The following RSPO3 variants were observed in gnomAD, a reference collection of about 807,000 sequenced individuals.
RSPO3 encodes the protein R-spondin 3.
Under a neutral mutation model 36.5 loss-of-function variants are expected in RSPO3, and 17 were observed. The ratio of observed to expected loss-of-function variants is 0.47; its 90% CI spans 0.32 to 0.70. The LOEUF is 0.70. Among genes scored for constraint, RSPO3 ranks in the 30% least tolerant of loss-of-function variants. RSPO3 has a pLI of 0.04. For synonymous variants in RSPO3, 108 were observed against 107.0 expected (o/e 1.01, Z -0.06); for missense variants, 294 against 322.5 (o/e 0.91, Z 0.68).
chr6:127,155,656 T>G (rs1162077664), intron 4 of RSPO3, among the ~76,000 whole-genome samples: 4 of 152,094 alleles, frequency 2.6e-5, no homozygotes, highest in African/African-American at 9.7e-5. Flanking sequence ...GTGTGCTAAT[T>G]GAATTATGAT....
chr6:127,118,852 G>A lies in RSPO3; in HGVS notation c.-341G>A. The A allele has an allele frequency of 6.0e-6, 1 of 166,562 alleles. No individual in the cohort carries two copies. Among genetic ancestry groups the A allele is most frequent in the Non-Finnish European group, 1.3e-5 (1 of 78,300 alleles). 10.3% of individuals were successfully genotyped at this position (166,562 alleles called of 1,614,324 possible). ...CGCCGCTGCAGCCGCCGCCGCCGCC[G>A]CTCGCCCGCCCGGATCCCGCCTGCG... On this transcript the variant is annotated 5_prime_UTR_variant, in exon 1 of 5. Transcript: ENST00000356698.
chr6:127,123,665 C>T (rs1489915649), intron 1 of RSPO3, among the ~76,000 whole-genome samples: 2 of 151,938 alleles, frequency 1.3e-5, no homozygotes, highest in African/African-American at 4.8e-5. Flanking sequence ...TTTTTAGCCC[C>T]AAGTTACTCA....
chr6:127,178,454 T>C lies in RSPO3; in HGVS notation c.635-17369T>C, dbSNP rs73771611. 5.2e-3 allele frequency among the ~76,000 whole-genome samples: 793 copies of C among 151,854 alleles called. 6 individuals carry two copies. The highest frequency in any genetic ancestry group is 0.017 in the African/African-American group (724 of 41,486). On this transcript the variant is annotated intron_variant, in intron 4 of 4. Transcript: ENST00000356698. ...TGTAATCTGGCAAATAAAAATATTCTCCATGCTATAAATATGCTCAGTAAT... is the reference window on the plus strand; with the variant it reads ...TGTAATCTGGCAAATAAAAATATTCCCCATGCTATAAATATGCTCAGTAAT...
rs1298007368 is a variant in RSPO3 at position 127,159,838 on chromosome 6, G to A, written c.634+4400G>A. On this transcript the variant is annotated intron_variant, in intron 4 of 4. Coordinates refer to ENST00000356698, the MANE Select transcript of RSPO3 (RefSeq NM_032784.5). ...TAATTTTTTGTATTTTAGTAGACACGGGGTTTCACTGTGTTGGCCAGGCTG... is the reference window on the plus strand; with the variant it reads ...TAATTTTTTGTATTTTAGTAGACACAGGGTTTCACTGTGTTGGCCAGGCTG... Among the ~76,000 whole-genome samples, 11 of 151,546 alleles carry A rather than the reference G, an allele frequency of 7.3e-5. No homozygotes were observed. In the East Asian group the frequency reaches 9.7e-4, roughly 13 times the overall value.
At chr6:127,170,219 G>T in intron 4 of RSPO3, among the ~76,000 whole-genome samples, 1 of 151,646 alleles carries the variant, frequency 6.6e-6, no homozygotes, top group Non-Finnish European at 1.5e-5. Context: ...TGAGAAAATT[G>T]GAGTAGAAAA....
intron 1 of RSPO3, among the ~76,000 whole-genome samples, chr6:127,135,884 G>C (rs532982320): frequency 7.4e-5 from 11 of 148,184 alleles, no homozygotes; most frequent in African/African-American, 2.5e-4. Flanking sequence ...CAGTAATCAT[G>C]CCTCTGCACT....
chr6:127,176,720 G>C (rs972585481), intron 4 of RSPO3, among the ~76,000 whole-genome samples: 2 of 151,836 alleles, frequency 1.3e-5, no homozygotes, highest in East Asian at 3.9e-4. Flanking sequence ...CTTTAAGGAA[G>C]ACATATTCTA....
intron 1 of RSPO3, among the ~76,000 whole-genome samples, chr6:127,125,801 T>C (rs1773928896): frequency 6.6e-6 from 1 of 152,098 alleles, no homozygotes. Context: ...CCCCATCTTG[T>C]CCTTAGGCTC....
intron 4 of RSPO3, among the ~76,000 whole-genome samples, chr6:127,188,274 G>A (rs1775336014): frequency 6.6e-6 from 1 of 152,114 alleles, no homozygotes; most frequent in East Asian, 1.9e-4. Context: ...TGTAAGGAAG[G>A]TATTTAATTA....
At chr6:127,172,244 C>G (rs1335992752) in intron 4 of RSPO3, among the ~76,000 whole-genome samples, 1 of 42,810 alleles carries the variant, frequency 2.3e-5, no homozygotes, top group Non-Finnish European at 6.4e-5. Context: ...CACAAACACA[C>G]TCACACATAC....
intron 4 of RSPO3, among the ~76,000 whole-genome samples, chr6:127,158,919 A>G (rs1774649401): frequency 6.6e-6 from 1 of 152,316 alleles, no homozygotes; most frequent in Admixed American, 6.5e-5. Context: ...ATTGAATTAT[A>G]TATTTGAAAT....
Position 127,197,659 on chromosome 6 carries a change from C to G in RSPO3, c.*1652C>G. On this transcript the variant is annotated 3_prime_UTR_variant, in exon 5 of 5. Coordinates refer to ENST00000356698, the MANE Select transcript of RSPO3 (RefSeq NM_032784.5). ...GACTCTGGCTTCTGGCTGCTTATCTCTGGACACCCGTTCTCCACCAGTTGT... is the reference window on the plus strand; with the variant it reads ...GACTCTGGCTTCTGGCTGCTTATCTGTGGACACCCGTTCTCCACCAGTTGT... The G allele has an allele frequency of 3.6e-6, 4 of 1,119,920 alleles. No homozygotes were observed. Among genetic ancestry groups the G allele is most frequent in the Non-Finnish European group, 4.9e-6 (4 of 810,878 alleles). 69.4% of individuals were successfully genotyped at this position (1,119,920 alleles called of 1,614,324 possible).
intron 4 of RSPO3, among the ~76,000 whole-genome samples, chr6:127,193,284 G>A (rs1775448952): frequency 6.6e-6 from 1 of 152,140 alleles, no homozygotes; most frequent in African/African-American, 2.4e-5. Context: ...TTGCTAATAA[G>A]CAGAAATGCA....
chr6:127,120,816 G>T (rs1205927855), intron 1 of RSPO3, among the ~76,000 whole-genome samples: 1 of 152,244 alleles, frequency 6.6e-6, no homozygotes, highest in South Asian at 2.1e-4. Context: ...AACTAAATAT[G>T]TCAGGGCATC....
At chr6:127,183,301 T>C (rs534049048) in intron 4 of RSPO3, among the ~76,000 whole-genome samples, 1 of 152,178 alleles carries the variant, frequency 6.6e-6, no homozygotes, top group Admixed American at 6.6e-5. Flanking sequence ...TTATTCATCA[T>C]TGACTTGGTC....
chr6:127,151,490 C>T (rs1270491336), intron 3 of RSPO3, among the ~76,000 whole-genome samples: 1 of 151,896 alleles, frequency 6.6e-6, no homozygotes, highest in Admixed American at 6.6e-5. Context: ...GTGATGTTGG[C>T]ATATCCACAC....
At chr6:127,180,147 A>G (rs1775151248) in intron 4 of RSPO3, among the ~76,000 whole-genome samples, 1 of 151,898 alleles carries the variant, frequency 6.6e-6, no homozygotes, top group Admixed American at 6.6e-5. Context: ...ATTGGCTCTT[A>G]AAGGCCAAGT....
rs1774153715 is a variant in RSPO3, at chr6:127,136,180, C to T, written c.98-12468C>T. On this transcript the variant is annotated intron_variant, in intron 1 of 4. Coordinates refer to ENST00000356698, the MANE Select transcript of RSPO3 (RefSeq NM_032784.5). The stretch of plus-strand genomic sequence containing the variant: ...CAAGGGTTGACCTTCCAGAGAAGGG[C>T]TCTATGGATCCTCTGCCAATCTGAT... 2.0e-5 allele frequency among the ~76,000 whole-genome samples: 3 copies of T among 152,098 alleles called. No individual in the cohort carries two copies. In the South Asian group the frequency reaches 6.2e-4, roughly 32 times the overall value.
intron 1 of RSPO3, among the ~76,000 whole-genome samples, chr6:127,131,488 G>C (rs760028367): frequency 6.6e-6 from 1 of 151,996 alleles, no homozygotes; most frequent in Non-Finnish European, 1.5e-5. Flanking sequence ...AAGTGCTCTA[G>C]GTCATCAGAT....
Sources: allele counts gnomAD v4.1 joint callset (sites outside exome capture counted in the v4.1 genomes callset), GRCh38; gene constraint gnomAD v4.1.1; transcripts MANE v1.5; gene names NCBI Gene and HGNC (gene_info 2026-07-23, HGNC 2026-07-21).